Variants in HS6ST3 observed in about 807,000 individuals in gnomAD.
HS6ST3 encodes the protein heparan-sulfate 6-O-sulfotransferase 3.
Under a neutral mutation model 36.7 loss-of-function variants are expected in HS6ST3, and 12 were observed. That is an observed-to-expected ratio of 0.33 (90% CI 0.21 to 0.53). The LOEUF is 0.53. Ranked by LOEUF, HS6ST3 falls within the 20% of genes least tolerant of loss-of-function variation. The pLI is 0.95. For missense variants in HS6ST3, 584 were observed against 640.9 expected (o/e 0.91, Z 0.96); for synonymous variants, 240 against 257.5 (o/e 0.93, Z 0.65).
At chr13:96,188,594 T>C (rs958918430) in intron 1 of HS6ST3, among the ~76,000 whole-genome samples, 4 of 152,202 alleles carry the variant, frequency 2.6e-5, no homozygotes, top group South Asian at 2.1e-4. Context: ...ACATTTATTG[T>C]TAATGGAGGG....
intron 1 of HS6ST3, among the ~76,000 whole-genome samples, chr13:96,442,245 C>T (rs1165513973): frequency 6.6e-6 from 1 of 152,162 alleles, no homozygotes; most frequent in Admixed American, 6.5e-5. Flanking sequence ...AACTCCTGAG[C>T]TCAGGTAATC....
At chr13:96,148,819 AG>A (rs1179353342) in intron 1 of HS6ST3, among the ~76,000 whole-genome samples, 1 of 152,232 alleles carries the variant, frequency 6.6e-6, no homozygotes, top group East Asian at 1.9e-4. Flanking sequence ...AATTAGAGTA[AG>A]CATTAAACCA....
intron 1 of HS6ST3, among the ~76,000 whole-genome samples, chr13:96,600,245 A>G (rs1213729337): frequency 6.8e-6 from 1 of 147,230 alleles, no homozygotes; most frequent in Non-Finnish European, 1.5e-5. Context: ...AGAGTGTTGA[A>G]CTCCCCCACT....
chr13:96,244,071 T>A (rs547373781), intron 1 of HS6ST3, among the ~76,000 whole-genome samples: 52 of 152,172 alleles, frequency 3.4e-4, no homozygotes, highest in African/African-American at 1.2e-3. Context: ...ATAAAGCTGT[T>A]TTTTAAAAGC....
intron 1 of HS6ST3, among the ~76,000 whole-genome samples, chr13:96,411,998 CTTT>C (rs1052538948): frequency 4.6e-5 from 7 of 151,954 alleles, no homozygotes; most frequent in Non-Finnish European, 8.8e-5. Flanking sequence ...CTTTTCTTTT[CTTT>C]ATTTTTTCTT....
intron 1 of HS6ST3, among the ~76,000 whole-genome samples, chr13:96,223,242 G>A (rs1028873604): frequency 3.3e-5 from 5 of 152,214 alleles, no homozygotes; most frequent in Non-Finnish European, 5.9e-5. Flanking sequence ...GGGAAGCAGA[G>A]TGGGACAGGA....
At chr13:96,333,191 A>G (rs1298589607) in intron 1 of HS6ST3, among the ~76,000 whole-genome samples, 1 of 152,252 alleles carries the variant, frequency 6.6e-6, no homozygotes, top group Non-Finnish European at 1.5e-5. Flanking sequence ...ATGGAAATGC[A>G]GGCATGTTGC....
intron 1 of HS6ST3, among the ~76,000 whole-genome samples, chr13:96,167,547 G>A (rs377549676): frequency 1.3e-5 from 2 of 152,178 alleles, no homozygotes; most frequent in East Asian, 3.9e-4. Context: ...GTCAGATCAT[G>A]TGCAGAACAG....
rs531637713 is a variant in HS6ST3 at position 96,396,109 on chromosome 13, T to C, written c.707+304540T>C. ...TGGGCGGATCACTTGAGGTGAGGAG[T>C]TCAAGACGAGCCTGGCCAACATGGA... is the stretch of plus-strand genomic sequence containing the variant. On this transcript the variant is annotated intron_variant, in intron 1 of 1. Coordinates refer to ENST00000376705, the MANE Select transcript of HS6ST3 (RefSeq NM_153456.4). Among the ~76,000 whole-genome samples, 5 of 151,196 alleles carry C rather than the reference T, an allele frequency of 3.3e-5. 1 individual carries two copies. The highest frequency in any genetic ancestry group is 1.2e-4 in the African/African-American group (5 of 41,130).
At chr13:96,480,026 G>C (rs185063819) in intron 1 of HS6ST3, among the ~76,000 whole-genome samples, 6 of 152,272 alleles carry the variant, frequency 3.9e-5, no homozygotes, top group Admixed American at 3.9e-4. Flanking sequence ...ACAGTTTTCT[G>C]TGTGCTCAGG....
chr13:96,127,018 G>A (rs111477555), intron 1 of HS6ST3, among the ~76,000 whole-genome samples: 2,577 of 151,992 alleles, frequency 0.017, 61 homozygotes, highest in African/African-American at 0.059. Flanking sequence ...CTACCATTTC[G>A]GCCATCTTTA....
chr13:96,485,590 A>T (rs1421015449), intron 1 of HS6ST3, among the ~76,000 whole-genome samples: 1 of 152,180 alleles, frequency 6.6e-6, no homozygotes, highest in Non-Finnish European at 1.5e-5. Flanking sequence ...CTACTGTATT[A>T]GCTAGTACTT....
At chr13:96,614,049 A>C (rs2138990337) in intron 1 of HS6ST3, among the ~76,000 whole-genome samples, 1 of 152,176 alleles carries the variant, frequency 6.6e-6, no homozygotes, top group Admixed American at 6.5e-5. Flanking sequence ...CTGTAATTCC[A>C]GCACTTTGGG....
intron 1 of HS6ST3, among the ~76,000 whole-genome samples, chr13:96,243,153 G>A (rs1264280866): frequency 1.3e-5 from 2 of 152,170 alleles, no homozygotes; most frequent in Non-Finnish European, 2.9e-5. Flanking sequence ...TCAAAATCCA[G>A]TGTGAATTTA....
chr13:96,633,380 T>C (rs990335041), intron 1 of HS6ST3, among the ~76,000 whole-genome samples: 1 of 152,178 alleles, frequency 6.6e-6, no homozygotes, highest in African/African-American at 2.4e-5. Context: ...CTGAGATATT[T>C]CTTGAGCACT....
At chr13:96,628,025 C>G (rs1566415093) in intron 1 of HS6ST3, among the ~76,000 whole-genome samples, 1 of 151,572 alleles carries the variant, frequency 6.6e-6, no homozygotes, top group African/African-American at 2.4e-5. Flanking sequence ...TCTTTATTCT[C>G]TTTGTGAATG....
chr13:96,168,692 C>CAAAAA (rs60119696), intron 1 of HS6ST3, among the ~76,000 whole-genome samples: 2 of 142,224 alleles, frequency 1.4e-5, no homozygotes. Context: ...AGAGTGAGAC[C>CAAAAA]AAAAAAAAAA....
intron 1 of HS6ST3, among the ~76,000 whole-genome samples, chr13:96,496,854 G>T (rs2055979502): frequency 6.6e-6 from 1 of 152,090 alleles, no homozygotes; most frequent in Admixed American, 6.5e-5. Context: ...GTCTGTAGAG[G>T]TCCTTGTCAG....
intron 1 of HS6ST3, among the ~76,000 whole-genome samples, chr13:96,305,872 G>A (rs576319576): frequency 7.5e-4 from 108 of 144,528 alleles, no homozygotes; most frequent in African/African-American, 2.5e-3. Flanking sequence ...TTTTGGAGAC[G>A]GAGTTCATGG....
Sources: gnomAD v4.1 joint callset for allele counts (sites outside exome capture counted in the v4.1 genomes callset) on GRCh38, gnomAD v4.1.1 for gene constraint, MANE v1.5 for transcripts, NCBI Gene and HGNC (gene_info 2026-07-23, HGNC 2026-07-21) for gene names.